The following SLC4A10 variants were observed in gnomAD, a reference collection of about 807,000 sequenced individuals.
SLC4A10 encodes sodium-driven chloride bicarbonate exchanger.
SLC4A10 carries 42 observed loss-of-function variants against 137.7 expected under a neutral mutation model. The ratio of observed to expected loss-of-function variants is 0.30; its 90% confidence interval spans 0.24 to 0.39. The LOEUF (loss-of-function observed/expected upper bound fraction) is 0.39. Ranked by LOEUF, SLC4A10 falls within the 10% of genes least tolerant of loss-of-function variation. SLC4A10 has a pLI of 1.00. For synonymous variants in SLC4A10, 474 were observed against 464.1 expected, an observed-to-expected ratio of 1.02 and a Z score of -0.27; for missense variants, 925 against 1,355.0, an observed-to-expected ratio of 0.68 and a Z score of 4.98.
chr2:161,699,260 T>A (rs990550028), intron 1 of SLC4A10, among the ~76,000 whole-genome samples: 5 of 152,154 alleles, frequency 3.3e-5, no homozygotes, highest in African/African-American at 1.2e-4. Context: ...GACCTCGTGA[T>A]CTGTCGGCCT....
At chr2:161,864,884 T>C (rs1005190959) in intron 6 of SLC4A10, among the ~76,000 whole-genome samples, 7 of 152,140 alleles carry the variant, frequency 4.6e-5, no homozygotes, top group Non-Finnish European at 7.4e-5. Flanking sequence ...TTTGGTATGG[T>C]AGTGTTAAAA....
Position 161,873,991 on chromosome 2 carries a change from C to G in SLC4A10, c.934C>G (p.Gln312Glu), listed in dbSNP as rs2061310002. ...AAGGCATGAAAAAGGACCTCCACAC[C>G]AGCAAGAGAGAGAGGTGAGGGCATA... ...KQRHEKGPPHQQEREVDLHFM... is the reference protein window; with the variant it reads ...KQRHEKGPPHEQEREVDLHFM... Residue 312 changes from glutamine to glutamate, a missense_variant, in exon 8 of 27, where the codon CAG becomes GAG. Gln to Glu is a conservative substitution (Grantham distance 29). Transcript: ENST00000446997. 1.9e-6 allele frequency: 3 copies of G among 1,590,580 alleles called. No homozygotes were observed. The African/African-American group carries it at 4.0e-5, about 21-fold the overall frequency.
intron 26 of SLC4A10, among the ~76,000 whole-genome samples, chr2:161,982,111 C>A (rs181144536): frequency 6.6e-6 from 1 of 152,076 alleles, no homozygotes; most frequent in Non-Finnish European, 1.5e-5. Context: ...ACCAAGGGTG[C>A]GGTCCATTGT....
intron 1 of SLC4A10, among the ~76,000 whole-genome samples, chr2:161,694,822 A>T (rs2042330954): frequency 6.6e-6 from 1 of 152,034 alleles, no homozygotes; most frequent in African/African-American, 2.4e-5. Context: ...CCCTTCAGTC[A>T]TTATTATTTT....
At chr2:161,751,725 T>C (rs2049002814) in intron 1 of SLC4A10, among the ~76,000 whole-genome samples, 1 of 151,894 alleles carries the variant, frequency 6.6e-6, no homozygotes, top group African/African-American at 2.4e-5. Flanking sequence ...TTAATTAATC[T>C]AATCTCTTTT....
chr2:161,695,449 G>A (rs759486858), intron 1 of SLC4A10, among the ~76,000 whole-genome samples: 1 of 151,890 alleles, frequency 6.6e-6, no homozygotes, highest in Non-Finnish European at 1.5e-5. Context: ...TCCTTCAGGA[G>A]GTACGATTTT....
At chr2:161,890,001 T>A (rs556014711) in intron 10 of SLC4A10, among the ~76,000 whole-genome samples, 48 of 152,348 alleles carry the variant, frequency 3.2e-4, no homozygotes, top group African/African-American at 1.1e-3. Flanking sequence ...TTGTTCTCAT[T>A]GGTTTCAAAT....
In SLC4A10 at chr2:161,965,181, C is replaced by T; in HGVS notation, c.3159+8C>T. The T allele has an allele frequency of 6.3e-7, 1 of 1,599,794 alleles. No homozygotes were observed. The highest frequency in any genetic ancestry group is 2.2e-5 in the East Asian group (1 of 44,514). Reference sequence around the variant, plus strand: ...GAAGATGCTGAAAAAGAAGTAAGAGCAAAATCAATGTTTTATAAAGAAAGA... The same window carrying T: ...GAAGATGCTGAAAAAGAAGTAAGAGTAAAATCAATGTTTTATAAAGAAAGA... On this transcript the variant is annotated splice_region_variant and intron_variant, in intron 23 of 26. Coordinates refer to ENST00000446997, the MANE Select transcript of SLC4A10 (RefSeq NM_001178015.2).
At chr2:161,982,399 GTA>G (rs1700341875) in intron 26 of SLC4A10, among the ~76,000 whole-genome samples, 3 of 152,174 alleles carry the variant, frequency 2.0e-5, no homozygotes, top group Admixed American at 2.0e-4. Context: ...TAAGAAAAGT[GTA>G]CGATGGGAAA....
chr2:161,652,791 T>G (rs1236947710), intron 1 of SLC4A10, among the ~76,000 whole-genome samples: 1 of 5,640 alleles, frequency 1.8e-4, no homozygotes, highest in Non-Finnish European at 4.2e-4. Context: ...CGTTTATTCT[T>G]TTTTTTTTTT....
intron 1 of SLC4A10, among the ~76,000 whole-genome samples, chr2:161,648,349 T>C (rs138727848): frequency 9.0e-4 from 137 of 152,344 alleles, no homozygotes; most frequent in Non-Finnish European, 1.7e-3. Flanking sequence ...ATTGAAAACG[T>C]ACAGTATATG....
chr2:161,913,708 C>T (rs1373790025), intron 15 of SLC4A10, among the ~76,000 whole-genome samples: 3 of 151,120 alleles, frequency 2.0e-5, no homozygotes, highest in Non-Finnish European at 2.9e-5. Context: ...AAGAGTAGAA[C>T]CCTTTTTTGT....
chr2:161,761,276 C>G (rs867699361), intron 1 of SLC4A10, among the ~76,000 whole-genome samples: 217 of 152,032 alleles, frequency 1.4e-3, no homozygotes, highest in African/African-American at 5.1e-3. Flanking sequence ...CTAGAAAGAA[C>G]GAGGACTTGG....
intron 3 of SLC4A10, among the ~76,000 whole-genome samples, chr2:161,833,400 A>T (rs2058564111): frequency 6.6e-6 from 1 of 152,178 alleles, no homozygotes; most frequent in African/African-American, 2.4e-5. Flanking sequence ...ATGAGGCATT[A>T]ATTAGTATTG....
chr2:161,783,033 C>T (rs1364264124), intron 2 of SLC4A10, among the ~76,000 whole-genome samples: 2 of 151,762 alleles, frequency 1.3e-5, no homozygotes, highest in Non-Finnish European at 2.9e-5. Context: ...ACTAAGACAC[C>T]TTATAATCAA....
intron 11 of SLC4A10, among the ~76,000 whole-genome samples, chr2:161,895,765 T>G (rs1280884944): frequency 6.6e-6 from 1 of 152,148 alleles, no homozygotes; most frequent in Non-Finnish European, 1.5e-5. Flanking sequence ...GGGTTGTTTG[T>G]TTTTTTCTTG....
At chr2:161,937,868 G>A (rs746739456) in intron 15 of SLC4A10, among the ~76,000 whole-genome samples, 1 of 152,108 alleles carries the variant, frequency 6.6e-6, no homozygotes, top group African/African-American at 2.4e-5. Context: ...CGTACCTTAA[G>A]GAGGAGAAGT....
At chr2:161,802,965 C>CG (rs2055532133) in intron 2 of SLC4A10, among the ~76,000 whole-genome samples, 1 of 152,056 alleles carries the variant, frequency 6.6e-6, no homozygotes, top group Non-Finnish European at 1.5e-5. Context: ...ATATAAACCT[C>CG]GGGGGACATA....
At chr2:161,722,890 G>A (rs1381982234) in intron 1 of SLC4A10, among the ~76,000 whole-genome samples, 1 of 152,204 alleles carries the variant, frequency 6.6e-6, no homozygotes, top group Non-Finnish European at 1.5e-5. Flanking sequence ...AATTCTCACA[G>A]GGATGCCCTG....
Sources: gnomAD v4.1 joint callset for allele counts (sites outside exome capture counted in the v4.1 genomes callset) on GRCh38, gnomAD v4.1.1 for gene constraint, MANE v1.5 for transcripts, NCBI Gene and HGNC (gene_info 2026-07-23, HGNC 2026-07-21) for gene names.